NBEA: variants seen among roughly 807,000 people sequenced by gnomAD.
NBEA encodes the protein lysosomal-trafficking regulator 2.
NBEA carries 44 observed loss-of-function variants against 343.4 expected under a neutral mutation model. The ratio of observed to expected loss-of-function variants is 0.13; its 90% CI spans 0.10 to 0.16. The LOEUF (loss-of-function observed/expected upper bound fraction) is 0.16, where lower values mean the gene tolerates loss of function less well. Among genes scored for constraint, NBEA ranks in the 10% least tolerant of loss-of-function variants. NBEA has a pLI of 1.00. For missense variants in NBEA, 2,555 were observed against 3,631.3 expected (o/e 0.70, Z 7.62); for synonymous variants, 1,175 against 1,238.7 (o/e 0.95, Z 1.08).
At chr13:35,035,478 T>C (rs1692722652) in intron 1 of NBEA, among the ~76,000 whole-genome samples, 1 of 152,150 alleles carries the variant, frequency 6.6e-6, no homozygotes, top group Middle Eastern at 3.4e-3. Context: ...AAAGAATGTG[T>C]ATTCTGCAGC....
chr13:35,273,736 C>T (rs888111401), intron 34 of NBEA, among the ~76,000 whole-genome samples: 1 of 152,098 alleles, frequency 6.6e-6, no homozygotes, highest in East Asian at 1.9e-4. Context: ...CTATAAACAC[C>T]TCTACTCAAA....
At chr13:34,997,344 G>A (rs183060982) in intron 1 of NBEA, among the ~76,000 whole-genome samples, 13 of 152,260 alleles carry the variant, frequency 8.5e-5, no homozygotes, top group Non-Finnish European at 1.3e-4. Context: ...GGAACAATTC[G>A]AATAGATGGT....
chr13:35,491,893 G>C (rs1349504363), intron 41 of NBEA, among the ~76,000 whole-genome samples: 1 of 151,984 alleles, frequency 6.6e-6, no homozygotes, highest in Non-Finnish European at 1.5e-5. Flanking sequence ...TAAAAAGTTA[G>C]TGGACAACAG....
intron 1 of NBEA, among the ~76,000 whole-genome samples, chr13:35,016,483 G>T (rs2061661736): frequency 6.6e-6 from 1 of 151,984 alleles, no homozygotes; most frequent in South Asian, 2.1e-4. Flanking sequence ...TTTCTTGCAT[G>T]ACAGTTGCAA....
chr13:34,979,381 A>C (rs1372553304), intron 1 of NBEA, among the ~76,000 whole-genome samples: 1 of 152,148 alleles, frequency 6.6e-6, no homozygotes, highest in African/African-American at 2.4e-5. Flanking sequence ...TTAGCTGGGC[A>C]TGGTGGCGTG....
At chr13:35,357,366 G>A (rs2040549574) in intron 38 of NBEA, among the ~76,000 whole-genome samples, 1 of 151,672 alleles carries the variant, frequency 6.6e-6, no homozygotes, top group South Asian at 2.1e-4. Context: ...ACACGTGTGG[G>A]GGTTTGTTAT....
intron 47 of NBEA, among the ~76,000 whole-genome samples, chr13:35,597,599 G>A (rs1042817317): frequency 5.3e-5 from 8 of 152,092 alleles, no homozygotes; most frequent in African/African-American, 1.4e-4. Flanking sequence ...ATCCTATGAG[G>A]TAGTAGTCAT....
At chr13:35,154,926 G>C (rs981145517) in intron 18 of NBEA, among the ~76,000 whole-genome samples, 1 of 151,226 alleles carries the variant, frequency 6.6e-6, no homozygotes, top group African/African-American at 2.4e-5. Context: ...AGGAGTTCAA[G>C]ATGAGCCTGG....
intron 34 of NBEA, among the ~76,000 whole-genome samples, chr13:35,258,691 G>A (rs774957443): frequency 2.6e-5 from 4 of 151,976 alleles, no homozygotes; most frequent in Non-Finnish European, 5.9e-5. Flanking sequence ...CATTTAATTG[G>A]CTGTGACTAT....
intron 34 of NBEA, among the ~76,000 whole-genome samples, chr13:35,247,899 A>G (rs1489822526): frequency 6.6e-6 from 1 of 152,200 alleles, no homozygotes; most frequent in Non-Finnish European, 1.5e-5. Flanking sequence ...AGAAGATTCA[A>G]ATAAAGTAAA....
At chr13:35,149,018 CT>C (rs2068608013) in intron 18 of NBEA, among the ~76,000 whole-genome samples, 1 of 152,178 alleles carries the variant, frequency 6.6e-6, no homozygotes. Flanking sequence ...AGTGGCTGCT[CT>C]TTAGATTAGT....
intron 34 of NBEA, among the ~76,000 whole-genome samples, chr13:35,247,452 G>A (rs936546049): frequency 6.6e-6 from 1 of 152,068 alleles, no homozygotes; most frequent in African/African-American, 2.4e-5. Context: ...AACCCACAGG[G>A]CTTTTCCCTG....
At chr13:35,085,977 C>G (rs2064738139) in intron 10 of NBEA, among the ~76,000 whole-genome samples, 1 of 152,126 alleles carries the variant, frequency 6.6e-6, no homozygotes, top group African/African-American at 2.4e-5. Flanking sequence ...CTCCCATTCA[C>G]AATTGCTTCA....
In NBEA at chr13:35,472,493, A is replaced by G; in HGVS notation, c.6542A>G (p.Glu2181Gly). The change falls in exon 41 of 59, where the codon GAG becomes GGG. Residue 2181 changes from glutamate to glycine, a missense_variant. Transcript: ENST00000379939. ...ATCACCACGACAGAAATCTACTTCGAGGTAGATGAGGATGATTCTGCCTTC... is the reference window on the plus strand; with the variant it reads ...ATCACCACGACAGAAATCTACTTCGGGGTAGATGAGGATGATTCTGCCTTC... The part of the protein sequence containing the change: ...LSITTTEIYF[E>G]VDEDDSAFKK... 1 of 1,613,918 alleles carries G rather than the reference A, an allele frequency of 6.2e-7. No individual in the cohort carries two copies. The highest frequency in any genetic ancestry group is 8.5e-7 in the Non-Finnish European group (1 of 1,179,872).
At chr13:35,277,875 C>T (rs1425105488) in intron 34 of NBEA, among the ~76,000 whole-genome samples, 3 of 151,068 alleles carry the variant, frequency 2.0e-5, no homozygotes, top group African/African-American at 7.3e-5. Flanking sequence ...TCACTTGAGG[C>T]CAGGAGTTTG....
chr13:35,242,429 C>T (rs2030465513), intron 34 of NBEA, among the ~76,000 whole-genome samples: 1 of 151,750 alleles, frequency 6.6e-6, no homozygotes. Context: ...TTCAGACAGA[C>T]TAACATAGGT....
chr13:35,318,622 A>C (rs1279406076), intron 36 of NBEA, among the ~76,000 whole-genome samples: 2 of 152,154 alleles, frequency 1.3e-5, no homozygotes, highest in African/African-American at 4.8e-5. Flanking sequence ...TCATAAAATG[A>C]GTTAGGGAGG....
intron 41 of NBEA, among the ~76,000 whole-genome samples, chr13:35,523,899 T>G (rs1566264189): frequency 6.6e-6 from 1 of 152,192 alleles, no homozygotes; most frequent in Non-Finnish European, 1.5e-5. Context: ...TTTTTTCTGC[T>G]TTTTTAAGAT....
intron 55 of NBEA, among the ~76,000 whole-genome samples, chr13:35,663,585 A>G (rs2153086127): frequency 6.6e-6 from 1 of 152,312 alleles, no homozygotes; most frequent in East Asian, 1.9e-4. Context: ...ACAGGGGTGC[A>G]GATATCTCTG....
Sources: gnomAD v4.1 joint callset for allele counts (sites outside exome capture counted in the v4.1 genomes callset) on GRCh38, gnomAD v4.1.1 for gene constraint, MANE v1.5 for transcripts, NCBI Gene and HGNC (gene_info 2026-07-23, HGNC 2026-07-21) for gene names.